Variants in DLG2 observed in about 807,000 individuals in gnomAD.
DLG2 encodes disks large homolog 2.
In DLG2, 45 loss-of-function variants were observed where a neutral mutation model predicts 132.5. The observed-to-expected ratio is 0.34, with a 90% CI of 0.27 to 0.44. The LOEUF (loss-of-function observed/expected upper bound fraction) is 0.44. Ranked by LOEUF, DLG2 falls within the 20% of genes least tolerant of loss-of-function variation. The probability of loss-of-function intolerance (pLI) is 1.00; values close to 1 mark genes in which losing one functional copy is unlikely to be tolerated. For synonymous variants in DLG2, 424 were observed against 419.6 expected (o/e 1.01, Z -0.13); for missense variants, 1,045 against 1,196.9 (o/e 0.87, Z 1.87).
At chr11:84,646,865 G>A (rs1335809886) in intron 6 of DLG2, among the ~76,000 whole-genome samples, 2 of 152,220 alleles carry the variant, frequency 1.3e-5, no homozygotes, top group African/African-American at 2.4e-5. Flanking sequence ...TTATCCAGCG[G>A]ATGTCTAATG....
chr11:84,379,393 G>C (rs2098741507), intron 7 of DLG2, among the ~76,000 whole-genome samples: 1 of 152,022 alleles, frequency 6.6e-6, no homozygotes, highest in South Asian at 2.1e-4. Flanking sequence ...AGTAGCTATT[G>C]AAAATAGCCT....
intron 6 of DLG2, among the ~76,000 whole-genome samples, chr11:85,041,071 G>C (rs1184645424): frequency 6.6e-6 from 1 of 151,746 alleles, no homozygotes; most frequent in Non-Finnish European, 1.5e-5. Flanking sequence ...GTCCAATTAT[G>C]CAAGAAATTC....
intron 4 of DLG2, among the ~76,000 whole-genome samples, chr11:85,174,182 C>T (rs1366043119): frequency 6.6e-6 from 1 of 152,162 alleles, no homozygotes; most frequent in Non-Finnish European, 1.5e-5. Context: ...TTCTCATAAC[C>T]ACACGGCAGT....
chr11:83,703,112 C>A (rs1020382724), intron 18 of DLG2, among the ~76,000 whole-genome samples: 2 of 152,192 alleles, frequency 1.3e-5, no homozygotes, highest in Non-Finnish European at 2.9e-5. Context: ...CCTTTTAACC[C>A]AGCATCTTTA....
At chr11:84,729,088 C>A (rs2062844461) in intron 6 of DLG2, among the ~76,000 whole-genome samples, 1 of 152,068 alleles carries the variant, frequency 6.6e-6, no homozygotes, top group African/African-American at 2.4e-5. Context: ...GTATCTCCTT[C>A]AGTTCTGCTC....
At chr11:84,296,427 G>T (rs1057070001) in intron 7 of DLG2, among the ~76,000 whole-genome samples, 3 of 152,078 alleles carry the variant, frequency 2.0e-5, no homozygotes, top group African/African-American at 7.2e-5. Context: ...GTGTTCCAGA[G>T]ATGTACTTAT....
intron 3 of DLG2, among the ~76,000 whole-genome samples, chr11:85,574,378 T>C (rs1281143970): frequency 1.3e-5 from 2 of 151,592 alleles, no homozygotes; most frequent in African/African-American, 4.9e-5. Context: ...TTTCCTACAC[T>C]TCTCCATCTC....
chr11:84,103,617 G>T (rs1372587820), intron 9 of DLG2, among the ~76,000 whole-genome samples: 1 of 152,024 alleles, frequency 6.6e-6, no homozygotes, highest in Non-Finnish European at 1.5e-5. Flanking sequence ...GTTCATATTT[G>T]CTGACTCTTC....
intron 3 of DLG2, among the ~76,000 whole-genome samples, chr11:85,322,976 A>G: frequency 6.6e-6 from 1 of 152,202 alleles, no homozygotes; most frequent in South Asian, 2.1e-4. Context: ...TGCACACACA[A>G]CCCCCATTGA....
chr11:84,643,815 T>C (rs192571759), intron 6 of DLG2, among the ~76,000 whole-genome samples: 1 of 152,334 alleles, frequency 6.6e-6, no homozygotes, highest in Admixed American at 6.5e-5. Context: ...AAGCAATGTC[T>C]GATGTTTTTG....
At chr11:83,932,698 T>C (rs907629335) in intron 14 of DLG2, among the ~76,000 whole-genome samples, 2 of 73,934 alleles carry the variant, frequency 2.7e-5, no homozygotes, top group East Asian at 5.5e-4. Context: ...TTTGAATGAA[T>C]AGATAATTTT....
In DLG2 at chr11:83,695,695, T is replaced by C. The variant is rs181381568; in HGVS notation, c.1826-62370A>G. On this transcript the variant is annotated intron_variant, in intron 18 of 27. Transcript: ENST00000376104. ...TGGAGGTTGCAGTGAGCCGAGATGG[T>C]GCCACTGCACTCCAGCCTGGGTGAC... Among the ~76,000 whole-genome samples the C allele has an allele frequency of 5.1e-3, 779 of 152,012 alleles. 6 individuals carry two copies. Among genetic ancestry groups the C allele is most frequent in the African/African-American group, 0.018 (738 of 41,466 alleles).
intron 8 of DLG2, among the ~76,000 whole-genome samples, chr11:84,177,809 C>T (rs753290205): frequency 6.6e-5 from 10 of 151,998 alleles, no homozygotes; most frequent in Non-Finnish European, 1.0e-4. Context: ...TAGTAAAATA[C>T]TTGGAACAGT....
intron 14 of DLG2, among the ~76,000 whole-genome samples, chr11:83,943,592 T>C (rs1026417008): frequency 7.2e-5 from 11 of 152,254 alleles, no homozygotes; most frequent in East Asian, 3.8e-4. Context: ...TCTTCAGTTA[T>C]GCAAATATAT....
intron 17 of DLG2, among the ~76,000 whole-genome samples, chr11:83,823,836 G>A (rs985318955): frequency 7.2e-5 from 11 of 152,102 alleles, no homozygotes; most frequent in Non-Finnish European, 1.3e-4. Context: ...GGCTTCCTGT[G>A]GTGACTCATA....
intron 17 of DLG2, among the ~76,000 whole-genome samples, chr11:83,827,628 G>C (rs2053261161): frequency 6.6e-6 from 1 of 152,086 alleles, no homozygotes; most frequent in South Asian, 2.1e-4. Context: ...AAGTCAGCTG[G>C]GGTGATCATT....
intron 3 of DLG2, among the ~76,000 whole-genome samples, chr11:85,401,861 A>C: frequency 6.6e-6 from 1 of 152,196 alleles, no homozygotes; most frequent in Non-Finnish European, 1.5e-5. Context: ...AAATGGAAGA[A>C]CATTCCATGC....
chr11:85,190,799 C>T (rs1050531903), intron 4 of DLG2, among the ~76,000 whole-genome samples: 19 of 152,072 alleles, frequency 1.2e-4, no homozygotes, highest in African/African-American at 4.6e-4. Context: ...CAAATCAAAA[C>T]CACAATGAAA....
intron 7 of DLG2, among the ~76,000 whole-genome samples, chr11:84,324,334 C>A (rs1021377078): frequency 8.6e-5 from 13 of 151,720 alleles, no homozygotes; most frequent in Non-Finnish European, 1.9e-4. Context: ...GTAGTCTTGG[C>A]ACCTCTGTAA....
Sources: allele counts gnomAD v4.1 joint callset (sites outside exome capture counted in the v4.1 genomes callset), GRCh38; gene constraint gnomAD v4.1.1; transcripts MANE v1.5; gene names NCBI Gene and HGNC (gene_info 2026-07-23, HGNC 2026-07-21).